Variants in MSH3 observed in about 807,000 individuals in gnomAD.
The protein encoded by MSH3 is DNA mismatch repair protein Msh3.
MSH3 carries 106 observed loss-of-function variants against 123.3 expected under a neutral mutation model. The observed-to-expected ratio is 0.86, with a 90% CI of 0.73 to 1.01. The LOEUF (loss-of-function observed/expected upper bound fraction) is 1.01. Among genes scored for constraint, MSH3 ranks in the 50% least tolerant of loss-of-function variants. MSH3 has a pLI of 0.00. For synonymous variants in MSH3, 515 were observed against 481.4 expected (o/e 1.07, Z -0.91); for missense variants, 1,459 against 1,347.6 (o/e 1.08, Z -1.29).
intron 2 of MSH3, 126 bp from the exon 3 acceptor site, chr5:80,665,017 A>T: frequency 1.4e-6 from 1 of 694,364 alleles, no homozygotes; most frequent in Admixed American, 2.9e-5. Flanking sequence ...TAAAAAAATC[A>T]CATTATAGTT....
At chr5:80,699,703 T>C (rs1315834849) in intron 8 of MSH3, among the ~76,000 whole-genome samples, 2 of 152,226 alleles carry the variant, frequency 1.3e-5, no homozygotes, top group East Asian at 3.8e-4. Flanking sequence ...AAAGATCATA[T>C]TGATTTCTTA....
chr5:80,771,989 TGTATGTATGAAA>T lies in MSH3; in HGVS notation c.2253+2996_2253+3007del, dbSNP rs1744221639. 7.9e-5 allele frequency among the ~76,000 whole-genome samples: 12 copies of T among 152,172 alleles called. 2 individuals carry two copies. The highest frequency in any genetic ancestry group is 7.9e-4 in the Admixed American group (12 of 15,262). ...ATGAACGTATGTATGAATGTTTGTG[TGTATGTATGAAA>T]GTATGTATGTATGTAATGAAAGCAG... On this transcript the variant is annotated intron_variant, in intron 15 of 23. Coordinates refer to ENST00000265081, the MANE Select transcript of MSH3 (RefSeq NM_002439.5).
intron 10 of MSH3, among the ~76,000 whole-genome samples, chr5:80,729,429 A>ATGTGTGTGT (rs1561458052): frequency 7.3e-4 from 46 of 62,778 alleles, no homozygotes; most frequent in African/African-American, 3.1e-3. Context: ...AAAAAAAAAA[A>ATGTGTGTGT]ATGTGTGTGT....
chr5:80,663,011 G>A (rs1233064023), intron 2 of MSH3, among the ~76,000 whole-genome samples: 1 of 152,056 alleles, frequency 6.6e-6, no homozygotes, highest in Non-Finnish European at 1.5e-5. Context: ...AAAGCAGGAA[G>A]ATTATTTGAG....
At chr5:80,800,057 T>C (rs1744765985) in intron 19 of MSH3, among the ~76,000 whole-genome samples, 1 of 152,244 alleles carries the variant, frequency 6.6e-6, no homozygotes, top group Non-Finnish European at 1.5e-5. Flanking sequence ...ACTCACTGTT[T>C]AGATACTGGA....
chr5:80,824,050 A>C (rs927185858), intron 20 of MSH3, among the ~76,000 whole-genome samples: 2 of 152,228 alleles, frequency 1.3e-5, no homozygotes, highest in Admixed American at 1.3e-4. Context: ...AGGCAGAAGA[A>C]TCTTTCTTAG....
intron 8 of MSH3, among the ~76,000 whole-genome samples, chr5:80,702,206 C>T (rs1750628998): frequency 6.6e-6 from 1 of 152,144 alleles, no homozygotes; most frequent in Non-Finnish European, 1.5e-5. Context: ...CCCTTGGTGC[C>T]ATTGTGACTG....
At chr5:80,802,009 T>C (rs1744797863) in intron 19 of MSH3, among the ~76,000 whole-genome samples, 1 of 152,218 alleles carries the variant, frequency 6.6e-6, no homozygotes, top group Non-Finnish European at 1.5e-5. Flanking sequence ...CTTGACATAG[T>C]ATGCATTCAA....
At chr5:80,684,606 A>T (rs1335897879) in intron 8 of MSH3, among the ~76,000 whole-genome samples, 1 of 152,120 alleles carries the variant, frequency 6.6e-6, no homozygotes, top group Non-Finnish European at 1.5e-5. Flanking sequence ...ATGTAAGTTC[A>T]TCTCATCTGC....
intron 20 of MSH3, among the ~76,000 whole-genome samples, chr5:80,838,061 C>T (rs1369056237): frequency 6.6e-6 from 1 of 152,192 alleles, no homozygotes; most frequent in Non-Finnish European, 1.5e-5. Context: ...GTCTCTAGCA[C>T]TAGTTGACTG....
chr5:80,718,371 GC>G (rs1225619655), intron 8 of MSH3, among the ~76,000 whole-genome samples: 11 of 152,202 alleles, frequency 7.2e-5, no homozygotes, highest in Non-Finnish European at 1.5e-5. Context: ...CCCCTTCTCA[GC>G]TCCCTGAGTA....
At chr5:80,840,413 T>C (rs1745599922) in intron 20 of MSH3, among the ~76,000 whole-genome samples, 1 of 152,070 alleles carries the variant, frequency 6.6e-6, no homozygotes, top group African/African-American at 2.4e-5. Context: ...CTCATGTTAT[T>C]ATCTTCCTTG....
chr5:80,769,178 G>A (rs1744174773), intron 15 of MSH3, among the ~76,000 whole-genome samples, 175 bp downstream of exon 15: 1 of 152,050 alleles, frequency 6.6e-6, no homozygotes, highest in African/African-American at 2.4e-5. Flanking sequence ...TAATGATAGT[G>A]TTTTATTAGT....
rs117782421 is a variant in MSH3 at position 80,828,438 on chromosome 5, G to A, written c.2813+14697G>A. On this transcript the variant is annotated intron_variant, in intron 20 of 23. Coordinates refer to ENST00000265081, the MANE Select transcript of MSH3 (RefSeq NM_002439.5). ...GTTACATTGGGAATTCAATTTCAAT[G>A]TGAGTTTTAGAGGGGACAAACATTC... 2.0e-4 allele frequency among the ~76,000 whole-genome samples: 30 copies of A among 152,286 alleles called. No individual in the cohort carries two copies. In the East Asian group the frequency reaches 5.8e-3, roughly 29 times the overall value.
intron 10 of MSH3, among the ~76,000 whole-genome samples, chr5:80,737,941 T>A (rs1743542297): frequency 1.3e-5 from 2 of 152,146 alleles, no homozygotes; most frequent in South Asian, 4.1e-4. Flanking sequence ...GTGCATCTGA[T>A]TTGAACTTTA....
At chr5:80,776,380 T>G (rs1251645948) in intron 16 of MSH3, among the ~76,000 whole-genome samples, 2 of 152,242 alleles carry the variant, frequency 1.3e-5, no homozygotes, top group African/African-American at 4.8e-5. Flanking sequence ...AAGATTAATT[T>G]AGTTGCTTTT....
In MSH3 at chr5:80,699,292, C is replaced by T. The variant is rs1293887864; in HGVS notation, c.1340+20199C>T. ...GTTGTTGTAAGGCTGGGCGTGGTGG[C>T]TCATACCTGTAATCCCAGCACTATG... On this transcript the variant is annotated intron_variant, in intron 8 of 23. Coordinates refer to ENST00000265081, the MANE Select transcript of MSH3 (RefSeq NM_002439.5). Among the ~76,000 whole-genome samples the T allele has an allele frequency of 3.9e-5, 6 of 152,126 alleles. No individual in the cohort carries two copies. The South Asian group carries it at 1.2e-3, about 31-fold the overall frequency.
chr5:80,862,009 A>G (rs1325433850), intron 21 of MSH3, among the ~76,000 whole-genome samples: 15 of 152,094 alleles, frequency 9.9e-5, no homozygotes, highest in African/African-American at 3.4e-4. Context: ...CTTTTTATGG[A>G]TGAAAATCTT....
At chr5:80,783,269 G>A (rs920535078) in intron 17 of MSH3, among the ~76,000 whole-genome samples, 1 of 152,062 alleles carries the variant, frequency 6.6e-6, no homozygotes. Context: ...AAGTTGGTTG[G>A]TAGCATAGTG....
Sources: gnomAD v4.1 joint callset for allele counts (sites outside exome capture counted in the v4.1 genomes callset) on GRCh38, gnomAD v4.1.1 for gene constraint, MANE v1.5 for transcripts, NCBI Gene and HGNC (gene_info 2026-07-23, HGNC 2026-07-21) for gene names.